ZCCHC2: variants seen among roughly 807,000 people sequenced by gnomAD.
ZCCHC2 encodes zinc finger CCHC-type containing 2.
In ZCCHC2, 39 loss-of-function variants were observed where a neutral mutation model predicts 103.6. The ratio of observed to expected loss-of-function variants is 0.38; its 90% confidence interval spans 0.29 to 0.49. The LOEUF (loss-of-function observed/expected upper bound fraction) is 0.49, where lower values mean the gene tolerates loss of function less well. ZCCHC2 is among the 20% of genes least tolerant of loss of function. The probability of loss-of-function intolerance (pLI) is 0.96; values close to 1 mark genes in which losing one functional copy is unlikely to be tolerated. For synonymous variants in ZCCHC2, 687 were observed against 608.9 expected, an observed-to-expected ratio of 1.13 and a Z score of -1.89; for missense variants, 1,483 against 1,491.0, an observed-to-expected ratio of 0.99 and a Z score of 0.09.
intron 1 of ZCCHC2, among the ~76,000 whole-genome samples, chr18:62,537,790 C>G (rs887806199): frequency 6.6e-6 from 1 of 152,180 alleles, no homozygotes; most frequent in Non-Finnish European, 1.5e-5. Context: ...TTGGGTGTAT[C>G]TTAGAAGTGG....
intron 6 of ZCCHC2, among the ~76,000 whole-genome samples, chr18:62,557,427 T>C (rs985004693): frequency 2.6e-5 from 4 of 152,234 alleles, no homozygotes; most frequent in African/African-American, 9.6e-5. Flanking sequence ...GGTGCAAGAA[T>C]AGTATGATTG....
At chr18:62,530,399 A>G (rs1914626939) in intron 1 of ZCCHC2, among the ~76,000 whole-genome samples, 1 of 152,154 alleles carries the variant, frequency 6.6e-6, no homozygotes, top group South Asian at 2.1e-4. Context: ...TGATGATTGT[A>G]TTAATAAGAT....
In ZCCHC2 at chr18:62,574,379, T is replaced by C. The variant is rs766337812; in HGVS notation, c.2298T>C (p.Asn766=). Residue 766 remains asparagine, a synonymous_variant, in exon 13 of 14, where the codon AAT becomes AAC. Transcript: ENST00000269499. ...TTTCTGCAATAAGGGAGTCTGCAAATTCAACCCCTGTTGGAATACTAGGGC... is the reference window on the plus strand; with the variant it reads ...TTTCTGCAATAAGGGAGTCTGCAAACTCAACCCCTGTTGGAATACTAGGGC... ...VAISAIRESA[N]STPVGILGPT... The C allele has an allele frequency of 6.2e-7, 1 of 1,613,864 alleles. No homozygotes were observed. The highest frequency in any genetic ancestry group is 8.5e-7 in the Non-Finnish European group (1 of 1,179,904).
rs1241456558 is a variant in ZCCHC2, at chr18:62,577,307, AG to A, written c.*729del. On this transcript the variant is annotated 3_prime_UTR_variant, in exon 14 of 14. Transcript: ENST00000269499. ...AATATGACGTACGAAATGGACAAAA[AG>A]CTTTTTCTGAAACCAACTTTTTACT... 13 of 152,526 alleles carry A rather than the reference AG, an allele frequency of 8.5e-5. No homozygotes were observed. The highest frequency in any genetic ancestry group is 3.1e-4 in the African/African-American group (13 of 41,590). The allele number at this position is 152,526 out of a possible 1,614,324, so 9.4% of individuals were successfully genotyped here.
chr18:62,532,825 C>T (rs1031197260), intron 1 of ZCCHC2, among the ~76,000 whole-genome samples: 6 of 152,086 alleles, frequency 3.9e-5, no homozygotes, highest in African/African-American at 1.4e-4. Flanking sequence ...TGCTTGAGCC[C>T]AGGAGTTCAA....
intron 6 of ZCCHC2, among the ~76,000 whole-genome samples, chr18:62,557,459 G>T (rs923386382): frequency 2.6e-5 from 4 of 152,170 alleles, no homozygotes; most frequent in African/African-American, 9.7e-5. Flanking sequence ...AACCTTTAAA[G>T]TTTCTCTAAT....
chr18:62,550,724 C>T (rs1455983912), intron 5 of ZCCHC2, among the ~76,000 whole-genome samples: 1 of 152,162 alleles, frequency 6.6e-6, no homozygotes, highest in Non-Finnish European at 1.5e-5. Context: ...CTCTTATATT[C>T]TTTATAAAAT....
chr18:62,554,334 ATT>A (rs1915790578), intron 5 of ZCCHC2, among the ~76,000 whole-genome samples: 2 of 152,254 alleles, frequency 1.3e-5, no homozygotes, highest in Non-Finnish European at 2.9e-5. Flanking sequence ...GACACACTGC[ATT>A]TAGTCTCAAA....
At chr18:62,527,531 CT>C (rs1240823339) in intron 1 of ZCCHC2, among the ~76,000 whole-genome samples, 1 of 152,156 alleles carries the variant, frequency 6.6e-6, no homozygotes, top group East Asian at 1.9e-4. Context: ...ATTTGGATGA[CT>C]TTATGGTAAA....
chr18:62,526,613 C>CCCG (rs905748419), intron 1 of ZCCHC2, among the ~76,000 whole-genome samples: 38 of 152,098 alleles, frequency 2.5e-4, no homozygotes, highest in Admixed American at 7.2e-4. Context: ...TTCTCGGCCT[C>CCCG]CCGCCGCCGC....
chr18:62,563,004 G>A lies in ZCCHC2; in HGVS notation c.1551-5G>A. The A allele has an allele frequency of 1.9e-6, 3 of 1,601,196 alleles. No homozygotes were observed. Among genetic ancestry groups the A allele is most frequent in the Non-Finnish European group, 1.7e-6 (2 of 1,169,634 alleles). ...TTCACACTTTCATAAACTTTTCTTT[G>A]GTAGCAATATTGGTACAAGTTGTTC... is the stretch of plus-strand genomic sequence containing the variant. On this transcript the variant is annotated splice_region_variant and splice_polypyrimidine_tract_variant and intron_variant, in intron 8 of 13. Transcript: ENST00000269499.
chr18:62,584,264 TCA>T (rs1413301050), intron 14 of ZCCHC2, among the ~76,000 whole-genome samples: 2 of 152,086 alleles, frequency 1.3e-5, no homozygotes, highest in African/African-American at 4.8e-5. Context: ...TGGGGGCACA[TCA>T]CACGTGTGGG....
At chr18:62,568,362 C>T (rs1369864483) in intron 11 of ZCCHC2, among the ~76,000 whole-genome samples, 4 of 152,174 alleles carry the variant, frequency 2.6e-5, no homozygotes, top group Non-Finnish European at 5.9e-5. Context: ...TCTTCACTTT[C>T]CACATCCCCT....
intron 7 of ZCCHC2, among the ~76,000 whole-genome samples, chr18:62,558,995 T>C (rs1477329948): frequency 1.3e-5 from 2 of 152,252 alleles, no homozygotes; most frequent in Non-Finnish European, 2.9e-5. Context: ...TAAATGGTGT[T>C]GGCACAATTG....
At chr18:62,564,948 T>A (rs1170043350) in intron 10 of ZCCHC2, 54 bp from the exon 11 acceptor site, 2 of 1,285,124 alleles carry the variant, frequency 1.6e-6, no homozygotes, top group Non-Finnish European at 2.2e-6. Context: ...CTGTACTGAA[T>A]GTGTTTGGTA....
At chr18:62,524,712 G>C (rs976999049) in intron 1 of ZCCHC2, 8 of 275,956 alleles carry the variant, frequency 2.9e-5, no homozygotes, top group Admixed American at 1.6e-4. Context: ...GCATCTCAGC[G>C]CTCGGTGCGG....
Position 62,563,047 on chromosome 18 carries a change from C to A in ZCCHC2, c.1589C>A (p.Thr530Asn). The A allele has an allele frequency of 6.2e-7, 1 of 1,613,578 alleles. No homozygotes were observed. Among genetic ancestry groups the A allele is most frequent in the East Asian group, 2.2e-5 (1 of 44,860 alleles). The change falls in exon 9 of 14, where the codon ACC (threonine) becomes AAC (asparagine). Residue 530 changes from threonine to asparagine, a missense_variant. Thr to Asn is a moderately conservative substitution (Grantham distance 65). Coordinates refer to ENST00000269499, the MANE Select transcript of ZCCHC2 (RefSeq NM_017742.6). Reference protein sequence around the residue: ...GTSCSPLDGLTMQYSEQNGIV... With the variant: ...GTSCSPLDGLNMQYSEQNGIV... ...AGTTGTTCTCCATTGGATGGGCTTA[C>A]CATGCAATATTCTGAACAGAATGGA...
At chr18:62,583,069 A>G (rs373300131), downstream of ZCCHC2, among the ~76,000 whole-genome samples, 2 of 152,112 alleles carry the variant, frequency 1.3e-5, no homozygotes, top group African/African-American at 4.8e-5. Flanking sequence ...ATGCCACTGC[A>G]CTCCAGCCTA....
chr18:62,552,673 A>T (rs963321278), intron 5 of ZCCHC2, among the ~76,000 whole-genome samples: 6 of 152,088 alleles, frequency 3.9e-5, no homozygotes, highest in Admixed American at 2.0e-4. Flanking sequence ...CCAAGACAGG[A>T]GGATCATTTG....
Sources: allele counts gnomAD v4.1 joint callset (sites outside exome capture counted in the v4.1 genomes callset), GRCh38; gene constraint gnomAD v4.1.1; transcripts MANE v1.5; gene names NCBI Gene and HGNC (gene_info 2026-07-23, HGNC 2026-07-21).